Variants in CEL observed in about 807,000 individuals in gnomAD.
CEL encodes the protein bile salt-activated lipase.
CEL carries 39 observed loss-of-function variants against 57.1 expected under a neutral mutation model. The ratio of observed to expected loss-of-function variants is 0.68; its 90% CI spans 0.53 to 0.89. The LOEUF is 0.89. Ranked by LOEUF, CEL falls within the 40% of genes least tolerant of loss-of-function variation. The pLI is 0.00. For synonymous variants in CEL, 314 were observed against 396.6 expected, an observed-to-expected ratio of 0.79 and a Z score of 2.48; for missense variants, 698 against 915.0, an observed-to-expected ratio of 0.76 and a Z score of 3.06.
At chr9:133,070,098 T>C (rs1242561397) in intron 9 of CEL, among the ~76,000 whole-genome samples, 1 of 151,512 alleles carries the variant, frequency 6.6e-6, no homozygotes, top group African/African-American at 2.4e-5. Context: ...CATTTAGCTG[T>C]GAGCCTCCTT....
rs1189955377 is a variant in CEL, at chr9:133,067,183, G to A, written c.873G>A (p.Lys291=). 8.9e-5 allele frequency: 144 copies of A among 1,613,890 alleles called. No individual in the cohort carries two copies. The highest frequency in any genetic ancestry group is 1.1e-4 in the Non-Finnish European group (133 of 1,179,998). ...CCCGAGCCCTGACGCTGGCCTATAA[G>A]GTGCCGCTGGCAGGCCTGGAGTGTG... The part of the protein sequence containing the change: ...TDPRALTLAY[K]VPLAGLEYPM... Residue 291 remains lysine, a synonymous_variant, in exon 7 of 11, where the codon AAG becomes AAA. Coordinates refer to ENST00000372080, the MANE Select transcript of CEL (RefSeq NM_001807.6).
chr9:133,065,102 C>A lies in CEL; in HGVS notation c.403C>A (p.His135Asn), dbSNP rs1161775215. 6.2e-7 allele frequency: 1 copy of A among 1,613,980 alleles called. No homozygotes were observed. Among genetic ancestry groups the A allele is most frequent in the Admixed American group, 1.7e-5 (1 of 60,032 alleles). ...AGGCGCCTTCCTCATGGGGTCCGGCCATGGGGCCAACTTCCTCAACAACTA... is the reference window on the plus strand; with the variant it reads ...AGGCGCCTTCCTCATGGGGTCCGGCAATGGGGCCAACTTCCTCAACAACTA... ...YGGAFLMGSGHGANFLNNYLY... is the reference protein window; with the variant it reads ...YGGAFLMGSGNGANFLNNYLY... The change falls in exon 4 of 11, where the codon CAT becomes AAT. Residue 135 changes from histidine (H) to asparagine (N), a missense_variant. This residue lies in a region of CEL where 327 missense variants were observed against 374.1 expected (regional missense o/e 0.87). Coordinates refer to ENST00000372080, the MANE Select transcript of CEL (RefSeq NM_001807.6).
At position 133,065,150 on chromosome 9, in the gene CEL, G is replaced by T. The variant is rs373668445; in HGVS notation, c.451G>T (p.Ala151Ser). The T allele has an allele frequency of 1.2e-6, 2 of 1,613,818 alleles. No homozygotes were observed. The highest frequency in any genetic ancestry group is 1.3e-5 in the African/African-American group (1 of 74,942). The change falls in exon 4 of 11, where the codon GCC becomes TCC. Residue 151 changes from alanine (A) to serine (S), a missense_variant. By Grantham distance (99) the Ala-to-Ser change is moderately conservative. Coordinates refer to ENST00000372080, the MANE Select transcript of CEL (RefSeq NM_001807.6). ...NNYLYDGEEIATRGNVIVVTF... is the reference protein window; with the variant it reads ...NNYLYDGEEISTRGNVIVVTF... The stretch of plus-strand genomic sequence containing the variant: ...CTACCTGTATGACGGCGAGGAGATC[G>T]CCACACGCGGAAACGTCATCGTGGT...
At position 133,064,706 on chromosome 9, in the gene CEL, A is replaced by G; in HGVS notation, c.284A>G (p.Tyr95Cys). ...LQATITQDST[Y>C]GDEDCLYLNI... ...GCCACCATCACCCAGGACAGCACCT[A>G]CGGGGATGAAGACTGCCTGTACCTC... The change falls in exon 3 of 11, where the codon TAC becomes TGC. Residue 95 changes from tyrosine to cysteine, a missense_variant. By Grantham distance (194) the Tyr-to-Cys change is radical. This residue lies in a region of CEL where 327 missense variants were observed against 374.1 expected (regional missense o/e 0.87). Coordinates refer to ENST00000372080, the MANE Select transcript of CEL (RefSeq NM_001807.6). The G allele has an allele frequency of 2.5e-6, 4 of 1,614,122 alleles. No individual in the cohort carries two copies. Among genetic ancestry groups the G allele is most frequent in the Non-Finnish European group, 3.4e-6 (4 of 1,180,016 alleles).
chr9:133,066,782 C>G lies in CEL; in HGVS notation c.670-56C>G, dbSNP rs764816823. 1 of 1,605,940 alleles carries G rather than the reference C, an allele frequency of 6.2e-7. No homozygotes were observed. ...TGGTGCTGGGGTGTCCTTGTCCCAG[C>G]GTGGGGTGGGCAGAGTGGGGAGCGG... On this transcript the variant is annotated intron_variant, in intron 5 of 10. Transcript: ENST00000372080. This position sits in a 1 kb window ranked among gnomAD's most constrained non-coding sequence, Gnocchi z 4.3.
rs1830173819 is a variant in CEL at position 133,066,045 on chromosome 9, ACAGG to A, written c.539-481_539-478del. On this transcript the variant is annotated intron_variant, in intron 4 of 10. Coordinates refer to ENST00000372080, the MANE Select transcript of CEL (RefSeq NM_001807.6). The surrounding 1 kb of genome is among the most constrained non-coding windows in gnomAD (Gnocchi z 4.3). Reference sequence around the variant, plus strand: ...AAATAAGAGGCTGTGGGACAGACAGACAGGCAGACAGGCTGAGGCTCAGAGAGAA... The same window carrying A: ...AAATAAGAGGCTGTGGGACAGACAGACAGACAGGCTGAGGCTCAGAGAGAA... 1.3e-5 allele frequency among the ~76,000 whole-genome samples: 2 copies of A among 152,120 alleles called. No homozygotes were observed. The highest frequency in any genetic ancestry group is 4.1e-4 in the South Asian group (2 of 4,824).
chr9:133,068,177 G>A (rs892856256), intron 7 of CEL, among the ~76,000 whole-genome samples: 2 of 152,216 alleles, frequency 1.3e-5, no homozygotes, highest in African/African-American at 2.4e-5. Flanking sequence ...GCAGCCACTG[G>A]GTCCTCTAGG....
Position 133,065,206 on chromosome 9 carries a change from G to C in CEL, c.507G>C (p.Gly169=), listed in dbSNP as rs746645542. 1.2e-6 allele frequency: 2 copies of C among 1,613,650 alleles called. No individual in the cohort carries two copies. Among genetic ancestry groups the C allele is most frequent in the East Asian group, 2.2e-5 (1 of 44,886 alleles). The part of the protein sequence containing the change: ...VTFNYRVGPL[G]FLSTGDANLP... ...TCAACTACCGTGTCGGCCCCCTTGG[G>C]TTCCTCAGCACTGGGGACGCCAATC... The change falls in exon 4 of 11, where the codon GGG becomes GGC. Residue 169 remains glycine, a synonymous_variant. Transcript: ENST00000372080.
Position 133,066,563 on chromosome 9 carries a change from T to C in CEL, c.572T>C (p.Ile191Thr). Residue 191 changes from isoleucine to threonine, a missense_variant, in exon 5 of 11, where the codon ATT becomes ACT. Physicochemically the swap from Ile to Thr is moderately conservative, Grantham distance 89. Coordinates refer to ENST00000372080, the MANE Select transcript of CEL (RefSeq NM_001807.6). The surrounding 1 kb of genome is among the most constrained non-coding windows in gnomAD (Gnocchi z 4.3). ...NYGLRDQHMA[I>T]AWVKRNIAAF... is the part of the protein sequence containing the mutation. ...GGCCTTCGGGATCAGCACATGGCCATTGCTTGGGTGAAGAGGAATATCGCG... is the reference window on the plus strand; with the variant it reads ...GGCCTTCGGGATCAGCACATGGCCACTGCTTGGGTGAAGAGGAATATCGCG... The C allele has an allele frequency of 6.2e-7, 1 of 1,613,936 alleles. No homozygotes were observed. The highest frequency in any genetic ancestry group is 8.5e-7 in the Non-Finnish European group (1 of 1,179,972).
chr9:133,063,831 A>G lies in CEL; in HGVS notation c.67-573A>G, dbSNP rs1232231585. 2.0e-5 allele frequency among the ~76,000 whole-genome samples: 3 copies of G among 152,102 alleles called. 1 individual carries two copies. Among genetic ancestry groups the G allele is most frequent in the Non-Finnish European group, 4.4e-5 (3 of 67,998 alleles). On this transcript the variant is annotated intron_variant, in intron 1 of 10. Coordinates refer to ENST00000372080, the MANE Select transcript of CEL (RefSeq NM_001807.6). ...GGGGTTCTTTACCAGCAGGGGGCTC[A>G]GGAACTGTGGGGACTTGGGCATGGG...
intron 1 of CEL, among the ~76,000 whole-genome samples, chr9:133,063,943 A>T (rs1830133098): frequency 6.6e-6 from 1 of 152,160 alleles, no homozygotes; most frequent in African/African-American, 2.4e-5. Flanking sequence ...GAAAGGAGGA[A>T]GGTTGGTGTG....
rs1430386205 is a variant in CEL, at chr9:133,067,164, CCCTG to C, written c.855_858del (p.Leu286ArgfsTer47). On this transcript the variant is annotated frameshift_variant, in exon 7 of 11. Transcript: ENST00000372080. LOFTEE classifies it high-confidence loss of function. Reference sequence around the variant, plus strand: ...TGTCTGAAGGTTACTGATCCCCGAGCCCTGACGCTGGCCTATAAGGTGCCGCTGG... The same window carrying C: ...TGTCTGAAGGTTACTGATCCCCGAGCACGCTGGCCTATAAGGTGCCGCTGG... 1 of 1,613,900 alleles carries C rather than the reference CCCTG, an allele frequency of 6.2e-7. No individual in the cohort carries two copies. Among genetic ancestry groups the C allele is most frequent in the African/African-American group, 1.3e-5 (1 of 74,890 alleles).
chr9:133,067,127 AG>A lies in CEL; in HGVS notation c.819del (p.Met274TrpfsTer5), dbSNP rs1447826479. 6.2e-7 allele frequency: 1 copy of A among 1,614,046 alleles called. No homozygotes were observed. The highest frequency in any genetic ancestry group is 1.3e-5 in the African/African-American group (1 of 74,916). On this transcript the variant is annotated frameshift_variant, in exon 7 of 11. Transcript: ENST00000372080. LOFTEE classifies it high-confidence loss of function. The part of the protein sequence containing the change: ...KVGCPVGDAA[R>X]MAQCLKVTDP... ...GGGTTGCCCTGTGGGTGATGCCGCCAGGATGGCCCAGTGTCTGAAGGTTACT... is the reference window on the plus strand; with the variant it reads ...GGGTTGCCCTGTGGGTGATGCCGCCAGATGGCCCAGTGTCTGAAGGTTACT...
chr9:133,064,734 C>T lies in CEL; in HGVS notation c.312C>T (p.Asn104=), dbSNP rs1021698162. ...GGGATGAAGACTGCCTGTACCTCAA[C>T]ATTTGGGTGCCCCAGGGCAGGAAGC... is the stretch of plus-strand genomic sequence containing the variant. The part of the protein sequence containing the change: ...TYGDEDCLYL[N]IWVPQGRKQV... The change falls in exon 3 of 11, where the codon AAC becomes AAT. Residue 104 remains asparagine (N), a synonymous_variant. Coordinates refer to ENST00000372080, the MANE Select transcript of CEL (RefSeq NM_001807.6). 1 of 1,614,098 alleles carries T rather than the reference C, an allele frequency of 6.2e-7. No homozygotes were observed. The highest frequency in any genetic ancestry group is 8.5e-7 in the Non-Finnish European group (1 of 1,180,022).
At position 133,066,006 on chromosome 9, in the gene CEL, A is replaced by C. The variant is rs1210127959; in HGVS notation, c.539-524A>C. Among the ~76,000 whole-genome samples, 1 of 152,174 alleles carries C rather than the reference A, an allele frequency of 6.6e-6. No homozygotes were observed. The highest frequency in any genetic ancestry group is 1.5e-5 in the Non-Finnish European group (1 of 68,032). Reference sequence around the variant, plus strand: ...GCACTCCAGCCTGGGCGACAGAGTGAGGCCCCATCTCAAAAATAAGAGGCT... The same window carrying C: ...GCACTCCAGCCTGGGCGACAGAGTGCGGCCCCATCTCAAAAATAAGAGGCT... On this transcript the variant is annotated intron_variant, in intron 4 of 10. Coordinates refer to ENST00000372080, the MANE Select transcript of CEL (RefSeq NM_001807.6). The surrounding 1 kb of genome is among the most constrained non-coding windows in gnomAD (Gnocchi z 4.3).
chr9:133,064,879 G>T, intron 3 of CEL, 117 bp downstream of exon 3: 3 of 1,567,356 alleles, frequency 1.9e-6, no homozygotes, highest in Non-Finnish European at 2.6e-6. Context: ...CACAGAGGCG[G>T]GGAGGGGAGC....
chr9:133,071,221 C>T lies in CEL; in HGVS notation c.1719C>T (p.Pro573=). 3 of 1,595,440 alleles carry T rather than the reference C, an allele frequency of 1.9e-6. No individual in the cohort carries two copies. Among genetic ancestry groups the T allele is most frequent in the Non-Finnish European group, 2.5e-6 (3 of 1,176,904 alleles). The change falls in exon 11 of 11, where the codon CCC becomes CCT. Residue 573 remains proline, a synonymous_variant. Transcript: ENST00000372080. ...TGDSEATPVP[P]TGDSETAPVP... ...ACTCCGAGGCCACTCCCGTGCCCCC[C>T]ACGGGTGACTCCGAGACCGCCCCCG... is the stretch of plus-strand genomic sequence containing the variant.
At position 133,064,635 on chromosome 9, in the gene CEL, T is replaced by C. The variant is rs759276694; in HGVS notation, c.218-5T>C. On this transcript the variant is annotated splice_polypyrimidine_tract_variant and splice_region_variant and intron_variant, in intron 2 of 10. Coordinates refer to ENST00000372080, the MANE Select transcript of CEL (RefSeq NM_001807.6). ...CTTCCTCATGCCAACTCCTGCCACCTGCAGGGACCCTGAAGGCCAAGAACT... is the reference window on the plus strand; with the variant it reads ...CTTCCTCATGCCAACTCCTGCCACCCGCAGGGACCCTGAAGGCCAAGAACT... 14 of 1,613,862 alleles carry C rather than the reference T, an allele frequency of 8.7e-6. No individual in the cohort carries two copies. In the East Asian group the frequency reaches 3.1e-4, roughly 36 times the overall value.
chr9:133,065,189 C>T lies in CEL; in HGVS notation c.490C>T (p.Arg164Cys), dbSNP rs1222612097. The part of the protein sequence containing the change: ...GNVIVVTFNY[R>C]VGPLGFLSTG... ...CGTCATCGTGGTCACCTTCAACTAC[C>T]GTGTCGGCCCCCTTGGGTTCCTCAG... is the stretch of plus-strand genomic sequence containing the variant. The change falls in exon 4 of 11, where the codon CGT becomes TGT. Residue 164 changes from arginine (R) to cysteine (C), a missense_variant. Physicochemically the swap from Arg to Cys is radical, Grantham distance 180 (BLOSUM62 -3). Transcript: ENST00000372080. 1.9e-6 allele frequency: 3 copies of T among 1,613,874 alleles called. No homozygotes were observed. Among genetic ancestry groups the T allele is most frequent in the African/African-American group, 1.3e-5 (1 of 75,060 alleles).
Sources: gnomAD v4.1 joint callset for allele counts (sites outside exome capture counted in the v4.1 genomes callset) on GRCh38, gnomAD v4.1.1 for gene constraint, gnomAD v4.1.1 regional missense constraint, Gnocchi (gnomAD v3.1) non-coding constraint, MANE v1.5 for transcripts, NCBI Gene and HGNC (gene_info 2026-07-23, HGNC 2026-07-21) for gene names.